Variants in RFNG observed in about 807,000 individuals in gnomAD.
The protein encoded by RFNG is beta-1,3-N-acetylglucosaminyltransferase radical fringe.
A neutral mutation model predicts 29.6 loss-of-function variants in RFNG; 37 were observed. That is an observed-to-expected ratio of 1.25 (90% CI 0.96 to 1.65). RFNG has a LOEUF of 1.65. RFNG is among the 40% of genes most tolerant of loss of function. RFNG has a pLI of 0.00. For synonymous variants in RFNG, 276 were observed against 197.3 expected, an observed-to-expected ratio of 1.40 and a Z score of -3.34; for missense variants, 546 against 457.0, an observed-to-expected ratio of 1.19 and a Z score of -1.78.
chr17:82,050,864 C>T, intron 2 of RFNG, 100 bp from the exon 3 acceptor site: 2 of 1,444,470 alleles, frequency 1.4e-6, no homozygotes, highest in East Asian at 2.4e-5. Flanking sequence ...CACAACGTGG[C>T]TGTCTGACAT....
chr17:82,050,051 C>T (rs750991006), intron 4 of RFNG, 45 bp from the exon 5 acceptor site: 26 of 1,490,560 alleles, frequency 1.7e-5, no homozygotes, highest in Non-Finnish European at 2.3e-5. Context: ...CAGGGCTTCT[C>T]ACCCCTGACT....
Position 82,049,058 on chromosome 17 carries a change from C to T in RFNG, c.887G>A (p.Gly296Asp), listed in dbSNP as rs749577038. 9 of 1,613,476 alleles carry T rather than the reference C, an allele frequency of 5.6e-6. No homozygotes were observed. The highest frequency in any genetic ancestry group is 4.5e-5 in the East Asian group (2 of 44,858). The change falls in exon 7 of 8, where the codon GGC becomes GAC. Residue 296 changes from glycine to aspartate, a missense_variant. Physicochemically the swap from Gly to Asp is moderately conservative, Grantham distance 94. Coordinates refer to ENST00000310496, the MANE Select transcript of RFNG (RefSeq NM_002917.2). ...NPHNVVNVAG[G>D]FSLHQDPTRF... ...TGTGGGGTCTTGATGCAGGCTGAAG[C>T]CTCCAGCCACGTTCACCACGTTATG... is the stretch of plus-strand genomic sequence containing the variant.
At chr17:82,050,944 G>A (rs1487552654) in intron 2 of RFNG, 180 bp from the exon 3 acceptor site, 8 of 1,420,274 alleles carry the variant, frequency 5.6e-6, no homozygotes, top group Admixed American at 5.7e-5. Flanking sequence ...GTGCCACCGA[G>A]GCTGAAGCAG....
chr17:82,048,238 G>T lies in RFNG; in HGVS notation c.*488C>A, dbSNP rs1289878827. 2 of 179,922 alleles carry T rather than the reference G, an allele frequency of 1.1e-5. No homozygotes were observed. The highest frequency in any genetic ancestry group is 1.6e-4 in the East Asian group (1 of 6,240). 11.1% of individuals were successfully genotyped at this position (179,922 alleles called of 1,614,324 possible). The stretch of plus-strand genomic sequence containing the variant: ...CTTCCCGGGCCTGAGTCCCACTGTG[G>T]TGCCCGGCCGTGCACCCAGCCTGCG... On this transcript the variant is annotated 3_prime_UTR_variant, in exon 8 of 8. Coordinates refer to ENST00000310496, the MANE Select transcript of RFNG (RefSeq NM_002917.2).
Position 82,048,466 on chromosome 17 carries a change from A to T in RFNG, c.*260T>A. 1.9e-6 allele frequency: 1 copy of T among 525,184 alleles called. No homozygotes were observed. 32.5% of individuals were successfully genotyped at this position (525,184 alleles called of 1,614,324 possible). On this transcript the variant is annotated 3_prime_UTR_variant, in exon 8 of 8. Coordinates refer to ENST00000310496, the MANE Select transcript of RFNG (RefSeq NM_002917.2). ...GGTGGAAGCCTGTTCCCGTGGGATC[A>T]ACCTTGGGGCTGGGTCGGGGGGAGG...
chr17:82,051,355 C>T lies in RFNG; in HGVS notation c.268-13G>A. Reference sequence around the variant, plus strand: ...TGAAGATAAACGTCTGGGGGAGAAACAATCTATGAGGCTTCTGGGGCGCTG... The same window carrying T: ...TGAAGATAAACGTCTGGGGGAGAAATAATCTATGAGGCTTCTGGGGCGCTG... On this transcript the variant is annotated splice_polypyrimidine_tract_variant and intron_variant, in intron 1 of 7. Coordinates refer to ENST00000310496, the MANE Select transcript of RFNG (RefSeq NM_002917.2). The surrounding 1 kb of genome is among the most constrained non-coding windows in gnomAD (Gnocchi z 4.1). 2 of 1,466,760 alleles carry T rather than the reference C, an allele frequency of 1.4e-6. No individual in the cohort carries two copies. The highest frequency in any genetic ancestry group is 1.5e-5 in the South Asian group (1 of 64,856). The allele number at this position is 1,466,760 out of a possible 1,614,324, so 90.9% of individuals were successfully genotyped here.
chr17:82,049,215 C>T, intron 6 of RFNG, 99 bp from the exon 7 acceptor site: 2 of 942,804 alleles, frequency 2.1e-6, no homozygotes, highest in South Asian at 1.4e-5. Flanking sequence ...TTGCCCACCC[C>T]CTCTCCCCAG....
intron 2 of RFNG, 80 bp from the exon 3 acceptor site, chr17:82,050,844 A>G: frequency 1.3e-6 from 2 of 1,492,790 alleles, no homozygotes; most frequent in Non-Finnish European, 1.8e-6. Context: ...CCTGCCCCCA[A>G]GGGCCAGGGC....
At position 82,048,679 on chromosome 17, in the gene RFNG, C is replaced by T. The variant is rs780855236; in HGVS notation, c.*47G>A. ...TGAGCCCATAGGGGGCTCTGGTTCC[C>T]CGCGCCTGGGACAGAGCCAGGCAGC... On this transcript the variant is annotated 3_prime_UTR_variant, in exon 8 of 8. Coordinates refer to ENST00000310496, the MANE Select transcript of RFNG (RefSeq NM_002917.2). 5 of 1,519,088 alleles carry T rather than the reference C, an allele frequency of 3.3e-6. No individual in the cohort carries two copies. Among genetic ancestry groups the T allele is most frequent in the Non-Finnish European group, 4.5e-6 (5 of 1,099,390 alleles). The allele number at this position is 1,519,088 out of a possible 1,614,324, so 94.1% of individuals were successfully genotyped here.
chr17:82,050,168 T>C, intron 4 of RFNG, 162 bp from the exon 5 acceptor site: 1 of 793,558 alleles, frequency 1.3e-6, no homozygotes, highest in East Asian at 2.7e-5. Context: ...CTGCAGGCCA[T>C]TGACCCGTAG....
In RFNG at chr17:82,051,041, C is replaced by T. The variant is rs932636579; in HGVS notation, c.316+253G>A. ...CCTGGAAGGGCGGATTCCCTGCTGG[C>T]GCTTCTTCAGGGGACGTGGCACTAG... On this transcript the variant is annotated intron_variant, in intron 2 of 7. Transcript: ENST00000310496. The surrounding 1 kb of genome is among the most constrained non-coding windows in gnomAD (Gnocchi z 4.1). The T allele has an allele frequency of 7.2e-7, 1 of 1,389,268 alleles. No homozygotes were observed. The highest frequency in any genetic ancestry group is 9.3e-7 in the Non-Finnish European group (1 of 1,077,036). 86.1% of individuals were successfully genotyped at this position (1,389,268 alleles called of 1,614,324 possible). A position where few individuals can be genotyped will look rare whatever the true frequency, so the allele number is the denominator to read the frequency against.
In RFNG at chr17:82,051,341, G is replaced by A; in HGVS notation, c.269C>T (p.Thr90Met). 2.7e-6 allele frequency: 4 copies of A among 1,467,090 alleles called. No individual in the cohort carries two copies. Among genetic ancestry groups the A allele is most frequent in the African/African-American group, 1.5e-5 (1 of 67,478 alleles). 90.9% of individuals were successfully genotyped at this position (1,467,090 alleles called of 1,614,324 possible). The part of the protein sequence containing the change: ...RTWISRARQQ[T>M]FIFTDGDDPE... ...GTCGTCCCCGTCGGTGAAGATAAAC[G>A]TCTGGGGGAGAAACAATCTATGAGG... Residue 90 changes from threonine (T) to methionine (M), a missense_variant and splice_region_variant, in exon 2 of 8, where the codon ACG becomes ATG. Physicochemically the swap from Thr to Met is moderately conservative, Grantham distance 81 (BLOSUM62 -1). Coordinates refer to ENST00000310496, the MANE Select transcript of RFNG (RefSeq NM_002917.2). This position sits in a 1 kb window ranked among gnomAD's most constrained non-coding sequence, Gnocchi z 4.1.
chr17:82,050,997 G>A (rs960826672), intron 2 of RFNG: 46 of 1,420,578 alleles, frequency 3.2e-5, no homozygotes, highest in Admixed American at 5.9e-5. Flanking sequence ...CAGGACGGAG[G>A]CAGCTCGCCC....
Position 82,051,323 on chromosome 17 carries a change from C to A in RFNG, c.287G>T (p.Gly96Val). Residue 96 changes from glycine (G) to valine (V), a missense_variant, in exon 2 of 8, where the codon GGG becomes GTG. By Grantham distance (109) the Gly-to-Val change is moderately radical. Coordinates refer to ENST00000310496, the MANE Select transcript of RFNG (RefSeq NM_002917.2). The surrounding 1 kb of genome is among the most constrained non-coding windows in gnomAD (Gnocchi z 4.1). Reference protein sequence around the residue: ...ARQQTFIFTDGDDPELELQGG... With the variant: ...ARQQTFIFTDVDDPELELQGG... Reference sequence around the variant, plus strand: ...CTGGAGCTCGAGCTCAGGGTCGTCCCCGTCGGTGAAGATAAACGTCTGGGG... The same window carrying A: ...CTGGAGCTCGAGCTCAGGGTCGTCCACGTCGGTGAAGATAAACGTCTGGGG... 1 of 1,448,194 alleles carries A rather than the reference C, an allele frequency of 6.9e-7. No homozygotes were observed. The allele number at this position is 1,448,194 out of a possible 1,614,324, so 89.7% of individuals were successfully genotyped here. A position where few individuals can be genotyped will look rare whatever the true frequency, so the allele number is the denominator to read the frequency against.
At chr17:82,049,593 A>C in intron 6 of RFNG, 84 bp downstream of exon 6, 1 of 1,428,110 alleles carries the variant, frequency 7.0e-7, no homozygotes, top group Non-Finnish European at 9.4e-7. Context: ...TCAGCCGGGC[A>C]TCGGGCCGGG....
Position 82,051,503 on chromosome 17 carries a change from C to G in RFNG, c.264G>C (p.Gln88His). The G allele has an allele frequency of 4.3e-6, 6 of 1,382,050 alleles. No homozygotes were observed. Among genetic ancestry groups the G allele is most frequent in the Non-Finnish European group, 3.8e-6 (4 of 1,064,390 alleles). 85.6% of individuals were successfully genotyped at this position (1,382,050 alleles called of 1,614,324 possible). A position where few individuals can be genotyped will look rare whatever the true frequency, so the allele number is the denominator to read the frequency against. ...TCGGGGTCGGGGTCCGGCGCACCTG[C>G]TGGCGGGCCCGGGAGATCCAGGTGC... ...LLRTWISRARQQTFIFTDGDD... is the reference protein window; with the variant it reads ...LLRTWISRARHQTFIFTDGDD... Residue 88 changes from glutamine to histidine, a missense_variant, in exon 1 of 8, where the codon CAG (glutamine) becomes CAC (histidine). Physicochemically the swap from Gln to His is conservative, Grantham distance 24. Transcript: ENST00000310496. The surrounding 1 kb of genome is among the most constrained non-coding windows in gnomAD (Gnocchi z 4.1).
chr17:82,050,276 G>A (rs1327119039), intron 4 of RFNG, 126 bp downstream of exon 4: 4 of 1,164,104 alleles, frequency 3.4e-6, no homozygotes, highest in East Asian at 4.9e-5. Context: ...CAAACCACCT[G>A]GGTGGATCAG....
chr17:82,048,945 CAG>C, intron 7 of RFNG, 84 bp downstream of exon 7: 1 of 1,443,766 alleles, frequency 6.9e-7, no homozygotes, highest in Non-Finnish European at 9.7e-7. Flanking sequence ...GCGGAGGGAG[CAG>C]CGGGGGTCAG....
chr17:82,050,929 T>C, intron 2 of RFNG, 165 bp from the exon 3 acceptor site: 6 of 1,413,046 alleles, frequency 4.2e-6, no homozygotes, highest in Non-Finnish European at 5.6e-6. Context: ...GCGCTGACCC[T>C]GCTGGTGCCA....
Sources: gnomAD v4.1 joint callset for allele counts on GRCh38, gnomAD v4.1.1 for gene constraint, Gnocchi (gnomAD v3.1) non-coding constraint, MANE v1.5 for transcripts, NCBI Gene and HGNC (gene_info 2026-07-23, HGNC 2026-07-21) for gene names.